The following CCDC80 variants were observed in gnomAD, a reference collection of about 807,000 sequenced individuals.
The protein encoded by CCDC80 is coiled-coil domain-containing protein 80.
A neutral mutation model predicts 78.7 loss-of-function variants in CCDC80; 49 were observed. The observed-to-expected ratio is 0.62, with a 90% CI of 0.50 to 0.79. The LOEUF is 0.79. Among genes scored for constraint, CCDC80 ranks in the 30% least tolerant of loss-of-function variants. The pLI, the probability that CCDC80 is intolerant of heterozygous loss-of-function variation, is 0.00. For synonymous variants in CCDC80, 488 were observed against 447.0 expected, an observed-to-expected ratio of 1.09 and a Z score of -1.16; for missense variants, 1,205 against 1,198.6, an observed-to-expected ratio of 1.01 and a Z score of -0.08.
chr3:112,638,638 T>G lies in CCDC80; in HGVS notation c.1268A>C (p.His423Pro). 6.2e-7 allele frequency: 1 copy of G among 1,614,026 alleles called. No homozygotes were observed. Among genetic ancestry groups the G allele is most frequent in the South Asian group, 1.1e-5 (1 of 91,068 alleles). Residue 423 changes from histidine (H) to proline (P), a missense_variant, in exon 2 of 8, where the codon CAC becomes CCC. Transcript: ENST00000206423. ...NLYPPSRKDQ[H>P]RERPQTTRRP... ...CCTGGTTGTCTGTGGCCTCTCCCTG[T>G]GCTGATCCTTCCGGGATGGAGGGTA...
At position 112,629,935 on chromosome 3, in the gene CCDC80, G is replaced by A. The variant is rs533741840; in HGVS notation, c.2035+178C>T. Among the ~76,000 whole-genome samples, 52 of 152,246 alleles carry A rather than the reference G, an allele frequency of 3.4e-4. 1 individual carries two copies. The highest frequency in any genetic ancestry group is 2.8e-3 in the Admixed American group (43 of 15,288). On this transcript the variant is annotated intron_variant, in intron 3 of 7. Transcript: ENST00000206423. ...TTTTTACAGTGCTTAAAACTTAAACGAGAACCATCCTGGAATGGCTATTTA... is the reference window on the plus strand; with the variant it reads ...TTTTTACAGTGCTTAAAACTTAAACAAGAACCATCCTGGAATGGCTATTTA...
intron 2 of CCDC80, among the ~76,000 whole-genome samples, chr3:112,633,360 C>T (rs527744455): frequency 9.2e-5 from 14 of 152,276 alleles, no homozygotes; most frequent in African/African-American, 3.4e-4. Context: ...CATTATCCTC[C>T]TTAAAGTCTT....
intron 2 of CCDC80, among the ~76,000 whole-genome samples, 163 bp from the exon 3 acceptor site, chr3:112,630,432 T>A (rs569092546): frequency 6.6e-6 from 1 of 152,324 alleles, no homozygotes; most frequent in East Asian, 1.9e-4. Context: ...AAGGGCCATT[T>A]GAAAAGGCCT....
chr3:112,623,846 C>G (rs1372760831), intron 3 of CCDC80, among the ~76,000 whole-genome samples: 1 of 152,150 alleles, frequency 6.6e-6, no homozygotes, highest in East Asian at 1.9e-4. Context: ...TCTCTGAAAC[C>G]TGTCTTCACC....
Position 112,605,333 on chromosome 3 carries a change from G to T in CCDC80, c.*84C>A. 2.3e-6 allele frequency: 2 copies of T among 860,422 alleles called. No individual in the cohort carries two copies. The highest frequency in any genetic ancestry group is 3.7e-6 in the Non-Finnish European group (2 of 547,462). 53.3% of individuals were successfully genotyped at this position (860,422 alleles called of 1,614,324 possible). A position where few individuals can be genotyped will look rare whatever the true frequency, so the allele number is the denominator to read the frequency against. ...AAGAAAAAGGCAGGAAATGTAGTAC[G>T]CAGTGTGGAAGAATGGAGCTGGCCA... On this transcript the variant is annotated 3_prime_UTR_variant, in exon 8 of 8. Transcript: ENST00000206423.
At chr3:112,637,025 A>T (rs1287808464) in intron 2 of CCDC80, among the ~76,000 whole-genome samples, 5 of 152,172 alleles carry the variant, frequency 3.3e-5, no homozygotes, top group Admixed American at 6.5e-5. Flanking sequence ...ACTGATAAAA[A>T]CTGCCCTTAT....
Position 112,619,911 on chromosome 3 carries a change from C to T in CCDC80, c.2036-807G>A, listed in dbSNP as rs190094388. On this transcript the variant is annotated intron_variant, in intron 3 of 7. Transcript: ENST00000206423. ...CAGAAGAGCTTTATTTACTTCTTCC[C>T]GCTAAAACAAGTCACAGTATATCTC... Among the ~76,000 whole-genome samples the T allele has an allele frequency of 5.2e-3, 798 of 152,194 alleles. 4 individuals carry two copies. The highest frequency in any genetic ancestry group is 8.1e-3 in the Non-Finnish European group (552 of 68,002).
In CCDC80 at chr3:112,617,759, A is replaced by AC. The variant is rs1336139793; in HGVS notation, c.2173-902dup. Among the ~76,000 whole-genome samples, 120 of 152,360 alleles carry AC rather than the reference A, an allele frequency of 7.9e-4. 2 individuals carry two copies. Among genetic ancestry groups the AC allele is most frequent in the African/African-American group, 2.7e-3 (114 of 41,584 alleles). The stretch of plus-strand genomic sequence containing the variant: ...TGGTATATGAATGACTTTTTCATGA[A>AC]CATTTTTTGTGTTCCCCATTTCACA... On this transcript the variant is annotated intron_variant, in intron 4 of 7. Transcript: ENST00000206423.
rs780387465 is a variant in CCDC80 at position 112,630,102 on chromosome 3, T to C, written c.2035+11A>G. On this transcript the variant is annotated intron_variant, in intron 3 of 7. Transcript: ENST00000206423. ...GAAAAACAATAATATAATTAAAATG[T>C]TTAAGAGAACCTAGCTGAAAGTGGT... 2 of 1,612,326 alleles carry C rather than the reference T, an allele frequency of 1.2e-6. No homozygotes were observed. Among genetic ancestry groups the C allele is most frequent in the South Asian group, 2.2e-5 (2 of 91,004 alleles).
At position 112,638,769 on chromosome 3, in the gene CCDC80, A is replaced by G; in HGVS notation, c.1137T>C (p.Thr379=). 2.5e-6 allele frequency: 4 copies of G among 1,613,764 alleles called. No homozygotes were observed. The highest frequency in any genetic ancestry group is 3.4e-6 in the Non-Finnish European group (4 of 1,179,944). The change falls in exon 2 of 8, where the codon ACT becomes ACC. Residue 379 remains threonine, a synonymous_variant. Coordinates refer to ENST00000206423, the MANE Select transcript of CCDC80 (RefSeq NM_199511.3). ...VTVAARPMTT[T]AFPTTQRPWT... ...AGGGCCTCTGCGTGGTGGGAAAGGC[A>G]GTGGTGGTCATAGGTCTTGCAGCAA...
intron 2 of CCDC80, 110 bp from the exon 3 acceptor site, chr3:112,630,379 G>A: frequency 9.6e-7 from 1 of 1,037,994 alleles, no homozygotes; most frequent in African/African-American, 1.6e-5. Context: ...CTGCATCTAA[G>A]CTACAAATGT....
In CCDC80 at chr3:112,639,192, C is replaced by T. The variant is rs1363922966; in HGVS notation, c.714G>A (p.Leu238=). Residue 238 remains leucine (L), a synonymous_variant, in exon 2 of 8, where the codon CTG becomes CTA. Transcript: ENST00000206423. ...GCTCCTCCACCTGCAGCGTCTTCTTCAGCAGCACCATGCCAAACTTGCCCT... is the reference window on the plus strand; with the variant it reads ...GCTCCTCCACCTGCAGCGTCTTCTTTAGCAGCACCATGCCAAACTTGCCCT... The part of the protein sequence containing the change: ...LEKGKFGMVL[L]KKTLQVEERY... 9.3e-6 allele frequency: 15 copies of T among 1,614,176 alleles called. No individual in the cohort carries two copies. The highest frequency in any genetic ancestry group is 1.6e-4 in the Middle Eastern group (1 of 6,062).
In CCDC80 at chr3:112,638,574, A is replaced by G. The variant is rs201190794; in HGVS notation, c.1332T>C (p.Asn444=). ...GTTCTGAGATGGTGGTGGGAGGGGC[A>G]TTTGTGAAGCTCTCCAAGCTGGTGG... The part of the protein sequence containing the change: ...SKATSLESFT[N]APPTTISEPS... Residue 444 remains asparagine (N), a synonymous_variant, in exon 2 of 8, where the codon AAT becomes AAC. Coordinates refer to ENST00000206423, the MANE Select transcript of CCDC80 (RefSeq NM_199511.3). 2.7e-4 allele frequency: 438 copies of G among 1,613,622 alleles called. No individual in the cohort carries two copies. Among genetic ancestry groups the G allele is most frequent in the Non-Finnish European group, 3.6e-4 (426 of 1,179,936 alleles).
At chr3:112,616,288 G>C (rs552472671) in intron 5 of CCDC80, among the ~76,000 whole-genome samples, 120 of 152,034 alleles carry the variant, frequency 7.9e-4, no homozygotes, top group Admixed American at 8.5e-4. Context: ...CAAGCACAGT[G>C]TGCCAAATCC....
At chr3:112,615,439 G>A (rs1450467378) in intron 5 of CCDC80, among the ~76,000 whole-genome samples, 1 of 152,068 alleles carries the variant, frequency 6.6e-6, no homozygotes, top group African/African-American at 2.4e-5. Flanking sequence ...TTTGTTGTGT[G>A]TAGTTTTCTG....
rs1328431471 is a variant in CCDC80 at position 112,601,220 on chromosome 3, CATTT to C, written c.*4193_*4196del. Reference sequence around the variant, plus strand: ...GAACTATAAATTCCATTTTTACTGTCATTTATTTATAACAAAGTTCAGATATAAA... The same window carrying C: ...GAACTATAAATTCCATTTTTACTGTCATTTATAACAAAGTTCAGATATAAA... On this transcript the variant is annotated 3_prime_UTR_variant, in exon 8 of 8. Transcript: ENST00000206423. 2 of 152,112 alleles carry C rather than the reference CATTT, an allele frequency of 1.3e-5. No homozygotes were observed. The highest frequency in any genetic ancestry group is 4.8e-5 in the African/African-American group (2 of 41,416). The allele number at this position is 152,112 out of a possible 1,614,324, so 9.4% of individuals were successfully genotyped here.
At chr3:112,627,099 T>A (rs1935992338) in intron 3 of CCDC80, among the ~76,000 whole-genome samples, 1 of 152,202 alleles carries the variant, frequency 6.6e-6, no homozygotes, top group African/African-American at 2.4e-5. Flanking sequence ...TAAATATTGC[T>A]AAGAAAGAAA....
chr3:112,607,710 C>T (rs1405022413), intron 6 of CCDC80, among the ~76,000 whole-genome samples: 6 of 152,030 alleles, frequency 3.9e-5, no homozygotes, highest in African/African-American at 1.4e-4. Context: ...CACTTGAACC[C>T]GGGAGGCGGA....
rs1049246903 is a variant in CCDC80 at position 112,599,155 on chromosome 3, C to T, written c.*6262G>A. On this transcript the variant is annotated 3_prime_UTR_variant, in exon 8 of 8. Transcript: ENST00000206423. The stretch of plus-strand genomic sequence containing the variant: ...GAGGCCCATAGGTAAAACATCTCAC[C>T]TCCAGTCACACAGGTAAGTACATGG... 4 of 152,134 alleles carry T rather than the reference C, an allele frequency of 2.6e-5. No individual in the cohort carries two copies. The highest frequency in any genetic ancestry group is 4.4e-5 in the Non-Finnish European group (3 of 68,022). 9.4% of individuals were successfully genotyped at this position (152,134 alleles called of 1,614,324 possible).
Sources: gnomAD v4.1 joint callset for allele counts (sites outside exome capture counted in the v4.1 genomes callset) on GRCh38, gnomAD v4.1.1 for gene constraint, MANE v1.5 for transcripts, NCBI Gene and HGNC (gene_info 2026-07-23, HGNC 2026-07-21) for gene names.